The following CDH4 variants were observed in gnomAD, a reference collection of about 807,000 sequenced individuals.
CDH4 encodes the protein cadherin-4.
In CDH4, 33 loss-of-function variants were observed where a neutral mutation model predicts 86.0. The ratio of observed to expected loss-of-function variants is 0.38; its 90% CI spans 0.29 to 0.51. The LOEUF is 0.51. Ranked by LOEUF, CDH4 falls within the 20% of genes least tolerant of loss-of-function variation. The pLI is 0.86. For missense variants in CDH4, 1,114 were observed against 1,307.4 expected (o/e 0.85, Z 2.28); for synonymous variants, 555 against 549.4 (o/e 1.01, Z -0.14).
chr20:61,866,687 G>A (rs538837557), intron 6 of CDH4, among the ~76,000 whole-genome samples: 5 of 152,272 alleles, frequency 3.3e-5, no homozygotes, highest in Admixed American at 6.5e-5. Context: ...GGTGTGAGAC[G>A]GTCAGTGCCT....
In CDH4 at chr20:61,252,461, C is replaced by T. The variant is rs1306314724; in HGVS notation, c.-53C>T. ...GTGGTCTCGGCGGCGGCGGCGGCGG[C>T]GGCGGCAGGGAGCGGGCTCCCGGTG... On this transcript the variant is annotated 5_prime_UTR_variant, in exon 1 of 16. Coordinates refer to ENST00000614565, the MANE Select transcript of CDH4 (RefSeq NM_001794.5). The surrounding 1 kb of genome is among the most constrained non-coding windows in gnomAD (Gnocchi z 4.4). 3.9e-4 allele frequency: 376 copies of T among 956,980 alleles called. 4 individuals carry two copies. The South Asian group carries it at 8.8e-3, about 22-fold the overall frequency. The allele number at this position is 956,980 out of a possible 1,614,324, so 59.3% of individuals were successfully genotyped here.
At chr20:61,405,549 T>C (rs1042160217) in intron 2 of CDH4, among the ~76,000 whole-genome samples, 1 of 152,128 alleles carries the variant, frequency 6.6e-6, no homozygotes, top group Non-Finnish European at 1.5e-5. Flanking sequence ...GTTGATATTC[T>C]CATGTCTGCC....
At chr20:61,778,170 T>C (rs567598643) in intron 4 of CDH4, among the ~76,000 whole-genome samples, 1 of 152,262 alleles carries the variant, frequency 6.6e-6, no homozygotes, top group South Asian at 2.1e-4. Flanking sequence ...TTTCCATCTA[T>C]AGGAAGCTGA....
chr20:61,385,690 A>G (rs986614184), intron 2 of CDH4, among the ~76,000 whole-genome samples: 2 of 151,964 alleles, frequency 1.3e-5, no homozygotes, highest in African/African-American at 4.8e-5. Context: ...GGCTGGCTGT[A>G]GCTTCTCCAC....
rs1568822873 is a variant in CDH4 at position 61,383,495 on chromosome 20, ATAT to A, written c.169+128562_169+128564del. Among the ~76,000 whole-genome samples, 7 of 69,238 alleles carry A rather than the reference ATAT, an allele frequency of 1.0e-4. No homozygotes were observed. The South Asian group carries it at 2.5e-3, about 24-fold the overall frequency. 45.4% of individuals were successfully genotyped at this position (69,238 alleles called of 152,430 possible). A position where few individuals can be genotyped will look rare whatever the true frequency, so the allele number is the denominator to read the frequency against. On this transcript the variant is annotated intron_variant, in intron 2 of 15. Coordinates refer to ENST00000614565, the MANE Select transcript of CDH4 (RefSeq NM_001794.5). ...TGAATATATATGATATATATGAAAT[ATAT>A]TATATATGATATATATGAATATGTA...
chr20:61,363,410 ATC>A (rs144743532), intron 2 of CDH4, among the ~76,000 whole-genome samples: 74 of 149,658 alleles, frequency 4.9e-4, no homozygotes, highest in Admixed American at 1.7e-3. Flanking sequence ...GAATCTAAAT[ATC>A]TCTCTCTCTC....
At chr20:61,574,830 G>A (rs1966627838) in intron 2 of CDH4, among the ~76,000 whole-genome samples, 1 of 152,188 alleles carries the variant, frequency 6.6e-6, no homozygotes, top group South Asian at 2.1e-4. Context: ...AGAAGTGCCA[G>A]CTGCCATATG....
At chr20:61,665,401 A>G (rs2087311971) in intron 2 of CDH4, among the ~76,000 whole-genome samples, 1 of 152,214 alleles carries the variant, frequency 6.6e-6, no homozygotes, top group African/African-American at 2.4e-5. Context: ...GATGCTAAAA[A>G]CAAAAGCAGC....
intron 2 of CDH4, among the ~76,000 whole-genome samples, chr20:61,615,344 A>G (rs2086716993): frequency 6.7e-6 from 1 of 150,208 alleles, no homozygotes; most frequent in Non-Finnish European, 1.5e-5. Context: ...CTGGTCTTGA[A>G]CTCCTGACCT....
intron 2 of CDH4, among the ~76,000 whole-genome samples, chr20:61,688,650 G>A (rs770959250): frequency 5.9e-5 from 9 of 152,194 alleles, no homozygotes; most frequent in African/African-American, 1.4e-4. Context: ...TCCCTGACTC[G>A]GGCCCACGCT....
At chr20:61,767,873 G>T (rs1388481154) in intron 3 of CDH4, among the ~76,000 whole-genome samples, 13 of 152,214 alleles carry the variant, frequency 8.5e-5, no homozygotes, top group Non-Finnish European at 1.0e-4. Flanking sequence ...GTCAAGGACG[G>T]CTCCATGAAA....
chr20:61,796,262 C>G (rs953866640), intron 4 of CDH4, among the ~76,000 whole-genome samples: 1 of 152,226 alleles, frequency 6.6e-6, no homozygotes. Context: ...AGCCAGGAAT[C>G]TCCAGAGCAG....
intron 2 of CDH4, among the ~76,000 whole-genome samples, chr20:61,670,991 G>A (rs755658132): frequency 1.3e-5 from 2 of 152,226 alleles, no homozygotes; most frequent in Non-Finnish European, 2.9e-5. Flanking sequence ...TCTGGTCCCT[G>A]CCCTTAGTGA....
chr20:61,630,611 G>A (rs2086877714), intron 2 of CDH4, among the ~76,000 whole-genome samples: 1 of 152,212 alleles, frequency 6.6e-6, no homozygotes, highest in Non-Finnish European at 1.5e-5. Flanking sequence ...TCTTGGGGAA[G>A]AAGTCACATT....
chr20:61,810,034 A>T lies in CDH4; in HGVS notation c.577-34634A>T, dbSNP rs1222904087. Among the ~76,000 whole-genome samples the T allele has an allele frequency of 6.6e-6, 1 of 152,224 alleles. No individual in the cohort carries two copies. The highest frequency in any genetic ancestry group is 1.5e-5 in the Non-Finnish European group (1 of 68,048). On this transcript the variant is annotated intron_variant, in intron 4 of 15. Transcript: ENST00000614565. The surrounding 1 kb of genome is among the most constrained non-coding windows in gnomAD (Gnocchi z 4.3). The stretch of plus-strand genomic sequence containing the variant: ...TGATAATCCTGCATAACAACCACCC[A>T]TAAAACCTCAGTGACATCCAACCAC...
chr20:61,459,160 G>A lies in CDH4; in HGVS notation c.169+204223G>A, dbSNP rs545298185. On this transcript the variant is annotated intron_variant, in intron 2 of 15. Transcript: ENST00000614565. ...CCTTCATGGGCTGGTGTTGCCTGGT[G>A]GCTGCTTTAGCTTCTTTAGGGCTTG... Among the ~76,000 whole-genome samples, 8 of 151,558 alleles carry A rather than the reference G, an allele frequency of 5.3e-5. No homozygotes were observed. In the South Asian group the frequency reaches 1.7e-3, roughly 32 times the overall value.
At chr20:61,831,376 C>T (rs766033992) in intron 4 of CDH4, among the ~76,000 whole-genome samples, 4 of 152,212 alleles carry the variant, frequency 2.6e-5, no homozygotes, top group Non-Finnish European at 5.9e-5. Flanking sequence ...TCCATTTTAG[C>T]GAGCAGTGAA....
intron 2 of CDH4, among the ~76,000 whole-genome samples, chr20:61,446,991 G>A (rs1471106578): frequency 1.3e-5 from 2 of 152,020 alleles, no homozygotes; most frequent in Non-Finnish European, 2.9e-5. Context: ...TTTTGTGTGT[G>A]TTTATTTTAA....
chr20:61,548,805 AGACAGGAAG>A (rs1012640895), intron 2 of CDH4, among the ~76,000 whole-genome samples: 1 of 152,212 alleles, frequency 6.6e-6, no homozygotes, highest in African/African-American at 2.4e-5. Flanking sequence ...GAGGAGTTGG[AGACAGGAAG>A]GATAGGAATA....
Sources: allele counts gnomAD v4.1 joint callset (sites outside exome capture counted in the v4.1 genomes callset), GRCh38; gene constraint gnomAD v4.1.1; non-coding constraint Gnocchi (gnomAD v3.1); transcripts MANE v1.5; gene names NCBI Gene and HGNC (gene_info 2026-07-23, HGNC 2026-07-21).